The following NLGN1 variants were observed in gnomAD, a reference collection of about 807,000 sequenced individuals.
The protein encoded by NLGN1 is neuroligin-1.
NLGN1 carries 12 observed loss-of-function variants against 65.5 expected under a neutral mutation model. The ratio of observed to expected loss-of-function variants is 0.18; its 90% confidence interval spans 0.12 to 0.30. The LOEUF (loss-of-function observed/expected upper bound fraction) is 0.30, where lower values mean the gene tolerates loss of function less well. Ranked by LOEUF, NLGN1 falls within the 10% of genes least tolerant of loss-of-function variation. NLGN1 has a pLI of 1.00. For synonymous variants in NLGN1, 350 were observed against 359.5 expected, an observed-to-expected ratio of 0.97 and a Z score of 0.30; for missense variants, 750 against 1,007.1, an observed-to-expected ratio of 0.74 and a Z score of 3.46.
chr3:174,240,886 G>C (rs16858348), intron 4 of NLGN1, among the ~76,000 whole-genome samples: 16,972 of 152,076 alleles, frequency 0.11, 1,688 homozygotes, highest in African/African-American at 0.26. Context: ...CAACCCAGGG[G>C]ATATACATGG....
rs191631041 is a variant in NLGN1, at chr3:173,442,274, C to T, written c.-321+7196C>T. Among the ~76,000 whole-genome samples, 892 of 152,120 alleles carry T rather than the reference C, an allele frequency of 5.9e-3. 13 individuals carry two copies. Among genetic ancestry groups the T allele is most frequent in the African/African-American group, 0.021 (861 of 41,512 alleles). ...CTATAAAAAACTAAGTGGGGTTTTTCGTGTATAAAGAGTATTGAGTTATTT... is the reference window on the plus strand; with the variant it reads ...CTATAAAAAACTAAGTGGGGTTTTTTGTGTATAAAGAGTATTGAGTTATTT... On this transcript the variant is annotated intron_variant, in intron 2 of 6. Coordinates refer to ENST00000457714, the Ensembl canonical transcript of NLGN1.
intron 4 of NLGN1, among the ~76,000 whole-genome samples, chr3:174,124,434 C>T (rs768009500): frequency 1.3e-4 from 20 of 151,142 alleles, no homozygotes; most frequent in Non-Finnish European, 4.4e-5. Flanking sequence ...ACCATAGTCC[C>T]TGTTCTATGG....
At chr3:173,799,669 T>C (rs931401593) in intron 3 of NLGN1, among the ~76,000 whole-genome samples, 2 of 151,978 alleles carry the variant, frequency 1.3e-5, no homozygotes, top group Non-Finnish European at 2.9e-5. Context: ...GATGCAAATG[T>C]CTTAAATCCA....
chr3:173,765,125 G>A (rs1025673174), intron 3 of NLGN1, among the ~76,000 whole-genome samples: 2 of 151,040 alleles, frequency 1.3e-5, no homozygotes, highest in Non-Finnish European at 3.0e-5. Flanking sequence ...CATTTGTATG[G>A]AGGAGGTTTT....
At chr3:174,185,910 A>T (rs1429436809) in intron 4 of NLGN1, among the ~76,000 whole-genome samples, 2 of 152,034 alleles carry the variant, frequency 1.3e-5, no homozygotes, top group Non-Finnish European at 2.9e-5. Context: ...TACTGTCTTA[A>T]TTATATCTAA....
chr3:174,193,406 C>T (rs1490900407), intron 4 of NLGN1, among the ~76,000 whole-genome samples: 2 of 152,102 alleles, frequency 1.3e-5, no homozygotes, highest in Non-Finnish European at 2.9e-5. Context: ...AGTGATGGTA[C>T]TTTTTCTGGG....
intron 4 of NLGN1, among the ~76,000 whole-genome samples, chr3:174,248,498 G>A (rs1165959831): frequency 2.6e-5 from 4 of 152,308 alleles, no homozygotes; most frequent in African/African-American, 4.8e-5. Context: ...GGTGGCTCAC[G>A]CCTGTAATCC....
chr3:173,941,572 C>T (rs1289742602), intron 4 of NLGN1, among the ~76,000 whole-genome samples: 2 of 151,936 alleles, frequency 1.3e-5, no homozygotes, highest in South Asian at 2.1e-4. Context: ...CTCATCAAAA[C>T]GCATTATTAT....
chr3:173,415,716 G>A lies in NLGN1; in HGVS notation c.-390+17229G>A, dbSNP rs370735617. Among the ~76,000 whole-genome samples the A allele has an allele frequency of 4.6e-5, 7 of 152,198 alleles. No homozygotes were observed. The South Asian group carries it at 1.0e-3, about 23-fold the overall frequency. On this transcript the variant is annotated intron_variant, in intron 1 of 6. Coordinates refer to ENST00000457714, the Ensembl canonical transcript of NLGN1. Reference sequence around the variant, plus strand: ...TGAATATAGGATACCATTGAGTATAGCAGAGAAAAAGGTAATATATTGTAG... The same window carrying A: ...TGAATATAGGATACCATTGAGTATAACAGAGAAAAAGGTAATATATTGTAG...
intron 4 of NLGN1, among the ~76,000 whole-genome samples, chr3:174,142,563 T>C (rs1722500073): frequency 6.6e-6 from 1 of 152,154 alleles, no homozygotes; most frequent in Non-Finnish European, 1.5e-5. Context: ...AATGTGAACT[T>C]AGAAGCAGAA....
intron 3 of NLGN1, among the ~76,000 whole-genome samples, chr3:173,759,358 C>T (rs998289171): frequency 2.6e-5 from 4 of 151,898 alleles, no homozygotes; most frequent in Non-Finnish European, 5.9e-5. Context: ...CAACCATTTT[C>T]CTATTAAGAA....
At chr3:173,691,950 G>A (rs1035892772) in intron 3 of NLGN1, among the ~76,000 whole-genome samples, 1 of 152,006 alleles carries the variant, frequency 6.6e-6, no homozygotes, top group Admixed American at 6.6e-5. Context: ...AAAATTGACT[G>A]CACAATGCAT....
intron 4 of NLGN1, among the ~76,000 whole-genome samples, chr3:173,997,174 A>T (rs1458164700): frequency 1.3e-5 from 2 of 152,130 alleles, no homozygotes; most frequent in African/African-American, 4.8e-5. Flanking sequence ...AATTTTTTGA[A>T]GTGGATGAGA....
intron 4 of NLGN1, among the ~76,000 whole-genome samples, chr3:174,274,410 G>GTT (rs1750121397): frequency 6.6e-6 from 1 of 151,748 alleles, no homozygotes; most frequent in Middle Eastern, 3.2e-3. Context: ...ATGTAAAACA[G>GTT]TTACTCAGAT....
chr3:174,288,727 A>G (rs1433012934), downstream of NLGN1, among the ~76,000 whole-genome samples: 1 of 151,474 alleles, frequency 6.6e-6, no homozygotes, highest in Non-Finnish European at 1.5e-5. Context: ...ATAAACACTT[A>G]CGTATAGTTC....
At chr3:174,082,650 AT>A (rs759391578) in intron 4 of NLGN1, among the ~76,000 whole-genome samples, 2 of 151,970 alleles carry the variant, frequency 1.3e-5, no homozygotes, top group East Asian at 1.9e-4. Flanking sequence ...AAAGCAATAC[AT>A]TTTTAATAAG....
At chr3:173,581,367 TG>T (rs761154575) in intron 2 of NLGN1, among the ~76,000 whole-genome samples, 123 of 152,136 alleles carry the variant, frequency 8.1e-4, no homozygotes, top group South Asian at 1.9e-3. Context: ...TTAAATACTC[TG>T]GGTGAGTTTT....
At chr3:174,071,258 C>A (rs1739786002) in intron 4 of NLGN1, among the ~76,000 whole-genome samples, 1 of 152,018 alleles carries the variant, frequency 6.6e-6, no homozygotes, top group South Asian at 2.1e-4. Context: ...GCCAGGAAGA[C>A]AGAGAAATGT....
chr3:174,249,957 A>G (rs967317502), intron 4 of NLGN1, among the ~76,000 whole-genome samples: 5 of 152,212 alleles, frequency 3.3e-5, no homozygotes, highest in African/African-American at 1.2e-4. Flanking sequence ...TGTAGCTTGG[A>G]TGATTTGTTA....
Sources: allele counts gnomAD v4.1 joint callset (sites outside exome capture counted in the v4.1 genomes callset), GRCh38; gene constraint gnomAD v4.1.1; transcripts MANE v1.5; gene names NCBI Gene and HGNC (gene_info 2026-07-23, HGNC 2026-07-21).